The following DDX3Y variants were observed in gnomAD, a reference collection of about 807,000 sequenced individuals.
The protein encoded by DDX3Y is ATP-dependent RNA helicase DDX3Y.
In DDX3Y, 2 loss-of-function variants were observed where a neutral mutation model predicts 15.1. The ratio of observed to expected loss-of-function variants is 0.13; its 90% confidence interval spans 0.05 to 0.42. The LOEUF is 0.42. Among genes scored for constraint, DDX3Y ranks in the 10% least tolerant of loss-of-function variants. DDX3Y has a pLI of 0.99. For missense variants in DDX3Y, 81 were observed against 149.9 expected (o/e 0.54, Z 2.40); for synonymous variants, 47 against 45.0 (o/e 1.04, Z -0.18).
chrY:12,917,358 T>C (rs780317818), intron 15 of DDX3Y, 45 bp from the exon 16 acceptor site: 1 of 391,084 alleles, frequency 2.6e-6, no homozygotes, highest in South Asian at 3.1e-5. Context: ...TTCAGTTTAA[T>C]TGAACTTTGT....
upstream of DDX3Y, chrY:12,904,862 A>G: frequency 3.0e-6 from 1 of 335,639 alleles, no homozygotes. Flanking sequence ...TAATAGCTGT[A>G]GGTCCAGTGT....
chrY:12,910,309 A>G (rs998519425), intron 3 of DDX3Y, among the ~76,000 whole-genome samples: 1 of 33,770 alleles, frequency 3.0e-5, no homozygotes, highest in Non-Finnish European at 7.4e-5. Flanking sequence ...GGGAAGTACA[A>G]TCGATTTAGT....
chrY:12,906,759 G>A (rs2053613105), intron 1 of DDX3Y, among the ~76,000 whole-genome samples: 1 of 26,615 alleles, frequency 3.8e-5, no homozygotes, highest in Admixed American at 3.9e-4. Flanking sequence ...CTTCAGAGTT[G>A]TTCTAGGTAA....
chrY:12,912,635 C>T, intron 4 of DDX3Y, 92 bp from the exon 5 acceptor site: 2 of 322,949 alleles, frequency 6.2e-6, no homozygotes, highest in Non-Finnish European at 9.3e-6. Flanking sequence ...TGGTTGTGTT[C>T]AGTAATTCAA....
chrY:12,907,313 G>T (rs1195607980), intron 1 of DDX3Y, among the ~76,000 whole-genome samples: 1 of 33,639 alleles, frequency 3.0e-5, no homozygotes, highest in African/African-American at 1.2e-4. Flanking sequence ...TTGAATTAAT[G>T]AATTTGAACT....
At chrY:12,906,698 G>GA (rs2053612462) in intron 1 of DDX3Y, among the ~76,000 whole-genome samples, 1 of 32,811 alleles carries the variant, frequency 3.0e-5, no homozygotes, top group Non-Finnish European at 7.5e-5. Flanking sequence ...CGTGTTTTTT[G>GA]AAAAAAATCT....
At chrY:12,916,772 T>C in intron 14 of DDX3Y, 135 bp from the exon 15 acceptor site, 1 of 231,129 alleles carries the variant, frequency 4.3e-6, no homozygotes, top group Non-Finnish European at 6.9e-6. Context: ...AGTTTTTCTT[T>C]CAGTATCTTT....
At chrY:12,913,874 GT>G (rs750813492) in intron 7 of DDX3Y, 21 bp downstream of exon 7, 1 of 381,816 alleles carries the variant, frequency 2.6e-6, no homozygotes, top group African/African-American at 6.5e-5. Context: ...TCAATACAAA[GT>G]GAAAGTTAAG....
chrY:12,914,327 ATGT>A (rs2053638695), intron 7 of DDX3Y, among the ~76,000 whole-genome samples: 18 of 34,296 alleles, frequency 5.2e-4, no homozygotes. Context: ...TTACAAAGAA[ATGT>A]TGAACTGAAA....
intron 2 of DDX3Y, among the ~76,000 whole-genome samples, chrY:12,908,776 A>G (rs2053619410): frequency 3.0e-5 from 1 of 33,323 alleles, no homozygotes; most frequent in Non-Finnish European, 7.5e-5. Context: ...TCCCCCTCCC[A>G]GGTTCATGCC....
intron 2 of DDX3Y, among the ~76,000 whole-genome samples, chrY:12,907,859 G>T: frequency 3.0e-5 from 1 of 33,481 alleles, no homozygotes; most frequent in African/African-American, 1.2e-4. Flanking sequence ...AAGCCTGGGA[G>T]GCTGGAAGCT....
Position 12,912,739 on chromosome Y carries a change from T to C in DDX3Y, c.294T>C (p.Arg98=), listed in dbSNP as rs747700187. ...TTGTGCTATTCAGATTTGATGATCG[T>C]GGACGGAGTGACTATGATGGTATTG... ...GSGSRGRFDD[R]GRSDYDGIGN... Residue 98 remains arginine, a synonymous_variant, in exon 5 of 17, where the codon CGT becomes CGC. Coordinates refer to ENST00000336079, the MANE Select transcript of DDX3Y (RefSeq NM_004660.5). The C allele has an allele frequency of 2.5e-6, 1 of 398,402 alleles. No individual in the cohort carries two copies. The highest frequency in any genetic ancestry group is 3.5e-6 in the Non-Finnish European group (1 of 283,378).
intron 8 of DDX3Y, 33 bp from the exon 9 acceptor site, chrY:12,914,851 G>C: frequency 2.8e-6 from 1 of 362,873 alleles, no homozygotes; most frequent in Non-Finnish European, 3.9e-6. Context: ...TGAAGTTTTG[G>C]GTTATGAATT....
chrY:12,917,856 C>G, intron 16 of DDX3Y, among the ~76,000 whole-genome samples, 187 bp from the exon 17 acceptor site: 1 of 32,788 alleles, frequency 3.0e-5, no homozygotes, highest in South Asian at 6.8e-4. Flanking sequence ...GCCACCGTGC[C>G]TGGCCTAGGC....
chrY:12,917,096 C>T, intron 15 of DDX3Y, 36 bp downstream of exon 15: 1 of 374,526 alleles, frequency 2.7e-6, no homozygotes, highest in Non-Finnish European at 3.8e-6. Context: ...CTTGTTATTG[C>T]TTACTAGGGG....
At chrY:12,907,623 T>C in intron 2 of DDX3Y, 29 bp downstream of exon 2, 1 of 283,416 alleles carries the variant, frequency 3.5e-6, no homozygotes, top group Non-Finnish European at 5.2e-6. Context: ...AAAAATGGAG[T>C]GTTTATCAGA....
upstream of DDX3Y, chrY:12,904,463 C>T: frequency 2.4e-5 from 1 of 40,965 alleles, no homozygotes; most frequent in Non-Finnish European, 5.8e-5. Context: ...ACTTCCTATT[C>T]TCAGAAGTAA....
chrY:12,908,744 G>T, intron 2 of DDX3Y, among the ~76,000 whole-genome samples: 3 of 33,425 alleles, frequency 9.0e-5, no homozygotes, highest in Non-Finnish European at 1.5e-4. Context: ...GTGCAGTGGC[G>T]CGATCTCGGC....
At chrY:12,917,375 C>A (rs768805070) in intron 15 of DDX3Y, 28 bp from the exon 16 acceptor site, 10 of 395,557 alleles carry the variant, frequency 2.5e-5, no homozygotes, top group Non-Finnish European at 3.5e-5. Context: ...TTGTACTTAA[C>A]ACTGCCATGC....
Sources: gnomAD v4.1 joint callset for allele counts (sites outside exome capture counted in the v4.1 genomes callset) on GRCh38, gnomAD v4.1.1 for gene constraint, MANE v1.5 for transcripts, NCBI Gene and HGNC (gene_info 2026-07-23, HGNC 2026-07-21) for gene names.